The following EYS variants were observed in gnomAD, a reference collection of about 807,000 sequenced individuals.
EYS encodes the protein EGF-like photoreceptor maintenance factor.
In EYS, 250 loss-of-function variants were observed where a neutral mutation model predicts 282.1. The observed-to-expected ratio is 0.89, with a 90% CI of 0.80 to 0.98. EYS has a LOEUF of 0.98. Ranked by LOEUF, EYS falls within the 50% of genes least tolerant of loss-of-function variation. The probability of loss-of-function intolerance (pLI) is 0.00; values close to 1 mark genes in which losing one functional copy is unlikely to be tolerated. For synonymous variants in EYS, 1,355 were observed against 1,282.9 expected, an observed-to-expected ratio of 1.06 and a Z score of -1.20; for missense variants, 4,016 against 3,709.0, an observed-to-expected ratio of 1.08 and a Z score of -2.15.
At chr6:65,473,935 G>A (rs774233281) in intron 5 of EYS, among the ~76,000 whole-genome samples, 1 of 151,850 alleles carries the variant, frequency 6.6e-6, no homozygotes, top group Non-Finnish European at 1.5e-5. Flanking sequence ...GAGTAATGAT[G>A]AGGTTCTTGG....
At chr6:65,244,351 A>C (rs543380757) in intron 12 of EYS, among the ~76,000 whole-genome samples, 15 of 152,284 alleles carry the variant, frequency 9.9e-5, no homozygotes, top group Non-Finnish European at 8.8e-5. Flanking sequence ...CTTTACCTAC[A>C]AATTAAATTA....
chr6:63,864,076 G>C, intron 36 of EYS, 110 bp downstream of exon 36: 1 of 1,038,270 alleles, frequency 9.6e-7, no homozygotes, highest in Non-Finnish European at 1.3e-6. Flanking sequence ...CCCAGAAGAA[G>C]ATTTGATGTA....
chr6:64,722,854 C>A (rs1771627913), intron 22 of EYS, among the ~76,000 whole-genome samples: 1 of 151,968 alleles, frequency 6.6e-6, no homozygotes, highest in Admixed American at 6.6e-5. Flanking sequence ...AAAGGATTAC[C>A]CCTTTTTCTT....
In EYS at chr6:64,672,269, A is replaced by G. The variant is rs73440812; in HGVS notation, c.3444-46024T>C. 4.4e-3 allele frequency among the ~76,000 whole-genome samples: 665 copies of G among 152,348 alleles called. 4 individuals carry two copies. The highest frequency in any genetic ancestry group is 0.015 in the African/African-American group (614 of 41,584). On this transcript the variant is annotated intron_variant, in intron 22 of 42. Transcript: ENST00000503581. ...GGTAATGAAACAGCAGCCACAGAACAGCAGTGTTGCAAGACTCAAATGCAT... is the reference window on the plus strand; with the variant it reads ...GGTAATGAAACAGCAGCCACAGAACGGCAGTGTTGCAAGACTCAAATGCAT...
At chr6:63,854,409 C>T (rs185228164) in intron 36 of EYS, among the ~76,000 whole-genome samples, 1 of 152,172 alleles carries the variant, frequency 6.6e-6, no homozygotes, top group East Asian at 1.9e-4. Flanking sequence ...ACAATGAGAA[C>T]ACATGGACAC....
chr6:65,115,399 T>C (rs1461749966), intron 12 of EYS, among the ~76,000 whole-genome samples: 3 of 152,086 alleles, frequency 2.0e-5, no homozygotes, highest in Non-Finnish European at 4.4e-5. Context: ...TGTATGCTTT[T>C]GCTCATGTCC....
At chr6:65,095,018 C>T (rs551559927) in intron 12 of EYS, among the ~76,000 whole-genome samples, 18 of 151,254 alleles carry the variant, frequency 1.2e-4, no homozygotes, top group South Asian at 8.3e-4. Context: ...ACAACTGATG[C>T]TACAGAAATA....
intron 14 of EYS, among the ~76,000 whole-genome samples, chr6:64,953,208 C>T (rs1769572391): frequency 6.6e-6 from 1 of 151,556 alleles, no homozygotes; most frequent in Non-Finnish European, 1.5e-5. Context: ...TCAGTCTTAG[C>T]CACAATTTTT....
At chr6:64,311,297 G>C (rs1433698481) in intron 29 of EYS, among the ~76,000 whole-genome samples, 1 of 151,958 alleles carries the variant, frequency 6.6e-6, no homozygotes, top group Non-Finnish European at 1.5e-5. Flanking sequence ...CAATTCATAT[G>C]ACAATTTGTA....
chr6:64,593,342 C>T (rs1562081606), intron 24 of EYS, 33 bp from the exon 25 acceptor site: 4 of 1,505,756 alleles, frequency 2.7e-6, no homozygotes, highest in Non-Finnish European at 3.6e-6. Flanking sequence ...TTAAATTAAG[C>T]TCAGTTTCTT....
chr6:65,306,579 T>C (rs1769009805), intron 11 of EYS, among the ~76,000 whole-genome samples: 1 of 151,974 alleles, frequency 6.6e-6, no homozygotes, highest in Non-Finnish European at 1.5e-5. Context: ...AGTCAATGTT[T>C]CGTGTTCCGC....
chr6:64,761,986 T>G (rs1773175639), intron 22 of EYS, among the ~76,000 whole-genome samples: 1 of 152,184 alleles, frequency 6.6e-6, no homozygotes, highest in South Asian at 2.1e-4. Context: ...CACAGCAAAG[T>G]GACTATACTT....
intron 30 of EYS, among the ~76,000 whole-genome samples, chr6:64,296,019 G>C (rs1039441532): frequency 6.6e-6 from 1 of 152,148 alleles, no homozygotes; most frequent in Non-Finnish European, 1.5e-5. Context: ...ATGAGTAAAA[G>C]ATCCATTCAA....
chr6:64,351,626 C>T (rs951683511), intron 29 of EYS, among the ~76,000 whole-genome samples: 1 of 151,282 alleles, frequency 6.6e-6, no homozygotes, highest in Non-Finnish European at 1.5e-5. Context: ...TATTTATATA[C>T]AAAGACAAAA....
chr6:64,921,018 T>C (rs1768330189), intron 15 of EYS, among the ~76,000 whole-genome samples: 1 of 152,156 alleles, frequency 6.6e-6, no homozygotes, highest in East Asian at 1.9e-4. Flanking sequence ...AGGATTTTTA[T>C]GCATATGGAA....
chr6:63,971,081 T>C (rs1766548589), intron 35 of EYS, among the ~76,000 whole-genome samples: 1 of 152,228 alleles, frequency 6.6e-6, no homozygotes, highest in Non-Finnish European at 1.5e-5. Flanking sequence ...AAACAAGTTA[T>C]TCTCATTTCT....
intron 15 of EYS, among the ~76,000 whole-genome samples, chr6:64,923,251 G>C (rs1768409289): frequency 6.6e-6 from 1 of 152,072 alleles, no homozygotes; most frequent in African/African-American, 2.4e-5. Flanking sequence ...GGTGGCAAGA[G>C]AAAAATAAGG....
intron 22 of EYS, among the ~76,000 whole-genome samples, chr6:64,719,286 C>T (rs753932950): frequency 8.5e-5 from 13 of 152,134 alleles, no homozygotes; most frequent in Non-Finnish European, 1.8e-4. Context: ...ACAAGTCCAT[C>T]CATACTTCTG....
At chr6:64,553,031 T>A (rs940330180) in intron 26 of EYS, among the ~76,000 whole-genome samples, 1 of 146,888 alleles carries the variant, frequency 6.8e-6, no homozygotes, top group Non-Finnish European at 1.5e-5. Flanking sequence ...ACAGATTCAA[T>A]CAATGTACAT....
Sources: allele counts gnomAD v4.1 joint callset (sites outside exome capture counted in the v4.1 genomes callset), GRCh38; gene constraint gnomAD v4.1.1; transcripts MANE v1.5; gene names NCBI Gene and HGNC (gene_info 2026-07-23, HGNC 2026-07-21).